The following WNK1 variants were observed in gnomAD, a reference collection of about 807,000 sequenced individuals.
WNK1 encodes the protein WNK lysine deficient protein kinase 1.
In WNK1, 38 loss-of-function variants were observed where a neutral mutation model predicts 222.8. The observed-to-expected ratio is 0.17, with a 90% CI of 0.13 to 0.22. The LOEUF is 0.22. WNK1 is among the 10% of genes least tolerant of loss of function. The pLI is 1.00. For synonymous variants in WNK1, 1,090 were observed against 1,092.9 expected, an observed-to-expected ratio of 1.00 and a Z score of 0.05; for missense variants, 2,348 against 2,918.4, an observed-to-expected ratio of 0.80 and a Z score of 4.50.
At chr12:760,195 C>T (rs1194258795) in intron 1 of WNK1, among the ~76,000 whole-genome samples, 1 of 147,992 alleles carries the variant, frequency 6.8e-6, no homozygotes, top group East Asian at 1.9e-4. Flanking sequence ...ATCCTTGTCT[C>T]ATCTTTGCAT....
rs60781156 is a variant in WNK1 at position 778,626 on chromosome 12, C to T, written c.759+24302C>T. Among the ~76,000 whole-genome samples the T allele has an allele frequency of 2.4e-3, 361 of 150,524 alleles. 1 individual carries two copies. Among genetic ancestry groups the T allele is most frequent in the African/African-American group, 8.2e-3 (339 of 41,148 alleles). ...GATTACAGGTGTGAGCCACCGTGCC[C>T]GGCCAATGATCTTTTTTTTTTTTTT... On this transcript the variant is annotated intron_variant, in intron 1 of 27. Coordinates refer to ENST00000315939, the MANE Select transcript of WNK1 (RefSeq NM_018979.4).
At chr12:865,941 C>T (rs1448470838) in intron 8 of WNK1, among the ~76,000 whole-genome samples, 1 of 152,110 alleles carries the variant, frequency 6.6e-6, no homozygotes, top group African/African-American at 2.4e-5. Flanking sequence ...CCTTAGGTTT[C>T]AACCTAAGGT....
intron 26 of WNK1, among the ~76,000 whole-genome samples, chr12:907,023 T>TAAAAAAA (rs1565621789): frequency 6.4e-4 from 1 of 1,564 alleles, no homozygotes. Flanking sequence ...GACCCTTCCT[T>TAAAAAAA]TAAAAAAAAA....
chr12:873,931 G>A (rs1205081171), intron 9 of WNK1, among the ~76,000 whole-genome samples: 1 of 151,772 alleles, frequency 6.6e-6, no homozygotes, highest in Non-Finnish European at 1.5e-5. Context: ...TTTTTGTAGG[G>A]TCTCGTATAG....
At chr12:862,335 A>C in intron 8 of WNK1, 65 bp downstream of exon 8, 1 of 1,553,480 alleles carries the variant, frequency 6.4e-7, no homozygotes, top group Non-Finnish European at 8.8e-7. Context: ...GCTAAATTAA[A>C]ATTCTTTGTA....
At chr12:871,107 A>G (rs1473669885) in intron 8 of WNK1, among the ~76,000 whole-genome samples, 158 bp from the exon 9 acceptor site, 1 of 152,174 alleles carries the variant, frequency 6.6e-6, no homozygotes, top group Admixed American at 6.5e-5. Flanking sequence ...TTTTTCTTAC[A>G]AAAGTTGACC....
intron 1 of WNK1, among the ~76,000 whole-genome samples, chr12:798,358 A>C (rs1945534531): frequency 6.6e-6 from 1 of 151,818 alleles, no homozygotes. Context: ...CGCCCGGCTA[A>C]TTTTTTATAT....
At chr12:812,305 A>G (rs11064544) in intron 1 of WNK1, among the ~76,000 whole-genome samples, 18,437 of 152,160 alleles carry the variant, frequency 0.12, 1,411 homozygotes, top group African/African-American at 0.2. Flanking sequence ...GGACACACAC[A>G]CACACTTTTA....
At chr12:889,579 G>T (rs1233457657) in intron 21 of WNK1, among the ~76,000 whole-genome samples, 1 of 152,188 alleles carries the variant, frequency 6.6e-6, no homozygotes, top group African/African-American at 2.4e-5. Flanking sequence ...AGCACTTTGG[G>T]AGGCCGAGGC....
chr12:816,264 T>G (rs1947325637), intron 2 of WNK1, among the ~76,000 whole-genome samples: 1 of 152,074 alleles, frequency 6.6e-6, no homozygotes, highest in Non-Finnish European at 1.5e-5. Context: ...TTCTGTAAAC[T>G]AATCTTTTCT....
Position 885,091 on chromosome 12 carries a change from G to A in WNK1, c.4287G>A (p.Pro1429=), listed in dbSNP as rs1420978472. The A allele has an allele frequency of 4.3e-6, 7 of 1,613,978 alleles. No homozygotes were observed. Among genetic ancestry groups the A allele is most frequent in the South Asian group, 2.2e-5 (2 of 91,090 alleles). ...TTGTCTCAATATCTACTACATCCCC[G>A]TCACTTCAAGTCCCCACATCCACAT... is the stretch of plus-strand genomic sequence containing the variant. ...PAVVSISTTS[P]SLQVPTSTSE... is the part of the protein sequence containing the mutation. Residue 1429 remains proline (P), a synonymous_variant, in exon 19 of 28, where the codon CCG becomes CCA. Coordinates refer to ENST00000315939, the MANE Select transcript of WNK1 (RefSeq NM_018979.4).
Position 911,078 on chromosome 12 carries a change from A to C in WNK1, c.*2286A>C. 2.6e-6 allele frequency: 1 copy of C among 387,152 alleles called. No individual in the cohort carries two copies. The highest frequency in any genetic ancestry group is 4.5e-6 in the Non-Finnish European group (1 of 219,904). 24.0% of individuals were successfully genotyped at this position (387,152 alleles called of 1,614,324 possible). On this transcript the variant is annotated 3_prime_UTR_variant, in exon 28 of 28. Transcript: ENST00000315939. ...TTTGACATCTTTTCACTCATACACAAAAAAAGTCAGAACTGGTGTTATTTA... is the reference window on the plus strand; with the variant it reads ...TTTGACATCTTTTCACTCATACACACAAAAAGTCAGAACTGGTGTTATTTA...
In WNK1 at chr12:753,494, G is replaced by A. The variant is rs1039045256; in HGVS notation, c.-72G>A. On this transcript the variant is annotated 5_prime_UTR_variant, in exon 1 of 28. Transcript: ENST00000315939. This position sits in a 1 kb window ranked among gnomAD's most constrained non-coding sequence, Gnocchi z 5.2. ...CGCGGTTCCCTGCAGACCTCTGCGC[G>A]GGCGGCTCGGCCCTTCACGCCCTTT... The A allele has an allele frequency of 1.9e-6, 3 of 1,598,642 alleles. No homozygotes were observed. Among genetic ancestry groups the A allele is most frequent in the Non-Finnish European group, 2.6e-6 (3 of 1,174,252 alleles).
chr12:816,447 A>G (rs1025593323), intron 2 of WNK1, among the ~76,000 whole-genome samples: 61 of 145,602 alleles, frequency 4.2e-4, no homozygotes, highest in African/African-American at 1.5e-3. Context: ...TAAAAAAACA[A>G]TTTTTTTTTT....
chr12:804,361 G>A (rs1376845907), intron 1 of WNK1, among the ~76,000 whole-genome samples: 1 of 151,804 alleles, frequency 6.6e-6, no homozygotes, highest in Non-Finnish European at 1.5e-5. Flanking sequence ...CATTTACAAT[G>A]TTGTGCAATT....
intron 3 of WNK1, among the ~76,000 whole-genome samples, chr12:829,247 C>G (rs999121250): frequency 6.6e-6 from 1 of 152,132 alleles, no homozygotes; most frequent in African/African-American, 2.4e-5. Flanking sequence ...ACACTGTGCT[C>G]ATAAATCAGT....
At chr12:892,640 C>T (rs183745418) in intron 22 of WNK1, among the ~76,000 whole-genome samples, 2 of 152,196 alleles carry the variant, frequency 1.3e-5, no homozygotes, top group African/African-American at 4.8e-5. Flanking sequence ...AAAAAGAACT[C>T]GTTTTGCTAA....
chr12:874,152 C>G (rs1393102736), intron 9 of WNK1, among the ~76,000 whole-genome samples: 2 of 150,676 alleles, frequency 1.3e-5, no homozygotes, highest in African/African-American at 4.9e-5. Flanking sequence ...CATGACTCAT[C>G]TCAAAAAAAA....
At chr12:891,304 A>G (rs978435270) in intron 22 of WNK1, among the ~76,000 whole-genome samples, 1 of 152,082 alleles carries the variant, frequency 6.6e-6, no homozygotes, top group African/African-American at 2.4e-5. Flanking sequence ...ACACCTGGAT[A>G]ATTTTGTATT....
Sources: gnomAD v4.1 joint callset for allele counts (sites outside exome capture counted in the v4.1 genomes callset) on GRCh38, gnomAD v4.1.1 for gene constraint, Gnocchi (gnomAD v3.1) non-coding constraint, MANE v1.5 for transcripts, NCBI Gene and HGNC (gene_info 2026-07-23, HGNC 2026-07-21) for gene names.